Variants in PTPRD observed in about 807,000 individuals in gnomAD.
PTPRD encodes the protein protein tyrosine phosphatase receptor type D.
Under a neutral mutation model 214.5 loss-of-function variants are expected in PTPRD, and 34 were observed. The observed-to-expected ratio is 0.16, with a 90% CI of 0.12 to 0.21. PTPRD has a LOEUF of 0.21. Ranked by LOEUF, PTPRD falls within the 10% of genes least tolerant of loss-of-function variation. PTPRD has a pLI of 1.00. For missense variants in PTPRD, 2,545 were observed against 2,398.7 expected (o/e 1.06, Z -1.27); for synonymous variants, 1,128 against 845.7 (o/e 1.33, Z -5.79).
At chr9:8,772,085 C>A (rs2095251237) in intron 11 of PTPRD, among the ~76,000 whole-genome samples, 1 of 152,032 alleles carries the variant, frequency 6.6e-6, no homozygotes, top group African/African-American at 2.4e-5. Flanking sequence ...TATACACCTA[C>A]TATGTGCCCA....
At chr9:9,101,965 T>C (rs1488620735) in intron 10 of PTPRD, among the ~76,000 whole-genome samples, 1 of 152,174 alleles carries the variant, frequency 6.6e-6, no homozygotes, top group African/African-American at 2.4e-5. Context: ...TGCATGGAAT[T>C]TAAAAAACAC....
intron 2 of PTPRD, among the ~76,000 whole-genome samples, chr9:10,485,674 A>G (rs376153289): frequency 7.2e-5 from 11 of 152,080 alleles, no homozygotes; most frequent in African/African-American, 2.7e-4. Flanking sequence ...CTTTTGGCAT[A>G]TAGAAATACT....
chr9:9,198,305 T>C (rs73388834), intron 9 of PTPRD, among the ~76,000 whole-genome samples: 37,576 of 151,582 alleles, frequency 0.25, 4,652 homozygotes, highest in East Asian at 0.33. Context: ...CAAACCAAAC[T>C]TAGAAAATAA....
intron 3 of PTPRD, among the ~76,000 whole-genome samples, chr9:10,105,228 G>T (rs1489118757): frequency 6.6e-6 from 1 of 151,664 alleles, no homozygotes; most frequent in Non-Finnish European, 1.5e-5. Context: ...TTAGTCTTGA[G>T]GGATTAAAAT....
At chr9:10,183,523 T>C (rs1449540718) in intron 3 of PTPRD, among the ~76,000 whole-genome samples, 1 of 152,180 alleles carries the variant, frequency 6.6e-6, no homozygotes, top group African/African-American at 2.4e-5. Flanking sequence ...GCATGAGGAA[T>C]TATTTAAAAG....
chr9:10,340,621 C>T (rs2096921177), intron 3 of PTPRD, among the ~76,000 whole-genome samples: 1 of 151,826 alleles, frequency 6.6e-6, no homozygotes, highest in Non-Finnish European at 1.5e-5. Context: ...TTTCTTTCTA[C>T]AACAGAAATA....
At chr9:10,251,996 C>CA (rs955755915) in intron 3 of PTPRD, among the ~76,000 whole-genome samples, 15 of 152,088 alleles carry the variant, frequency 9.9e-5, no homozygotes, top group African/African-American at 3.6e-4. Context: ...ATACGCACCA[C>CA]AAAAAATAGT....
intron 4 of PTPRD, among the ~76,000 whole-genome samples, chr9:9,961,333 G>A (rs1366734656): frequency 2.6e-5 from 4 of 152,108 alleles, no homozygotes; most frequent in Non-Finnish European, 2.9e-5. Flanking sequence ...TTCCTTGTTT[G>A]AGAAACAATA....
intron 39 of PTPRD, among the ~76,000 whole-genome samples, chr9:8,356,483 A>G (rs925071571): frequency 2.6e-5 from 4 of 152,218 alleles, no homozygotes; most frequent in African/African-American, 7.2e-5. Context: ...TTTTAAATGC[A>G]GTCTAGTTCA....
In PTPRD at chr9:10,073,040, T is replaced by C. The variant is rs574187447; in HGVS notation, c.-544-39250A>G. Among the ~76,000 whole-genome samples the C allele has an allele frequency of 4.3e-3, 650 of 152,184 alleles. 11 individuals carry two copies. The highest frequency in any genetic ancestry group is 5.5e-3 in the Non-Finnish European group (371 of 67,998). On this transcript the variant is annotated intron_variant, in intron 3 of 45. Coordinates refer to ENST00000381196, the MANE Select transcript of PTPRD (RefSeq NM_002839.4). ...GCCATACAAAATATCGATTAATACA[T>C]TTTGCTAAGTGAGCCAAACCAGTCC... is the stretch of plus-strand genomic sequence containing the variant.
Position 9,853,641 on chromosome 9 carries a change from C to A in PTPRD, c.-368+84866G>T, listed in dbSNP as rs926254987. Among the ~76,000 whole-genome samples, 43 of 151,988 alleles carry A rather than the reference C, an allele frequency of 2.8e-4. 1 individual carries two copies. The highest frequency in any genetic ancestry group is 2.8e-3 in the Admixed American group (43 of 15,260). On this transcript the variant is annotated intron_variant, in intron 5 of 45. Coordinates refer to ENST00000381196, the MANE Select transcript of PTPRD (RefSeq NM_002839.4). ...TCAGGTCGCTGCAACCTCTCCCTCC[C>A]AGGTTCAAGCAATTCTCCTGCCTCA...
chr9:9,790,569 T>A (rs2154495295), intron 5 of PTPRD, among the ~76,000 whole-genome samples: 1 of 152,334 alleles, frequency 6.6e-6, no homozygotes, highest in Non-Finnish European at 1.5e-5. Context: ...GATATTTTCT[T>A]CCTATGAACT....
chr9:8,981,683 T>A (rs1449404633), intron 11 of PTPRD, among the ~76,000 whole-genome samples: 8 of 152,206 alleles, frequency 5.3e-5, no homozygotes, highest in Non-Finnish European at 1.2e-4. Context: ...ATTCCATTTC[T>A]GAACTTCAAT....
intron 34 of PTPRD, among the ~76,000 whole-genome samples, chr9:8,440,477 G>C (rs1182626586): frequency 6.6e-6 from 1 of 152,024 alleles, no homozygotes; most frequent in Non-Finnish European, 1.5e-5. Context: ...ACCACACCCG[G>C]CTAATTTTTA....
intron 5 of PTPRD, among the ~76,000 whole-genome samples, chr9:9,907,178 G>C (rs201436524): frequency 7.7e-5 from 4 of 52,072 alleles, no homozygotes; most frequent in Admixed American, 3.8e-4. Flanking sequence ...TTTGTTTTGC[G>C]GTGGCAAACA....
intron 37 of PTPRD, among the ~76,000 whole-genome samples, chr9:8,377,338 A>G (rs2083560651): frequency 6.6e-6 from 1 of 152,120 alleles, no homozygotes; most frequent in Non-Finnish European, 1.5e-5. Flanking sequence ...AGGGTCACAC[A>G]CTAACAGTGC....
intron 3 of PTPRD, among the ~76,000 whole-genome samples, chr9:10,146,714 T>C (rs1440195153): frequency 6.6e-6 from 1 of 152,144 alleles, no homozygotes; most frequent in Non-Finnish European, 1.5e-5. Flanking sequence ...CCGAGCACTG[T>C]ACTTTGCTCC....
chr9:8,396,233 T>C (rs1037044132), intron 36 of PTPRD, among the ~76,000 whole-genome samples: 2 of 152,162 alleles, frequency 1.3e-5, no homozygotes, highest in African/African-American at 4.8e-5. Context: ...AAATGTCATA[T>C]GGATTTTAGT....
intron 5 of PTPRD, among the ~76,000 whole-genome samples, chr9:9,805,432 G>A (rs1598345868): frequency 6.6e-6 from 1 of 152,106 alleles, no homozygotes; most frequent in South Asian, 2.1e-4. Context: ...AAGGTGATTT[G>A]ACTTCACAGG....
Sources: allele counts gnomAD v4.1 joint callset (sites outside exome capture counted in the v4.1 genomes callset), GRCh38; gene constraint gnomAD v4.1.1; transcripts MANE v1.5; gene names NCBI Gene and HGNC (gene_info 2026-07-23, HGNC 2026-07-21).